The following SPAG16 variants were observed in gnomAD, a reference collection of about 807,000 sequenced individuals.
The protein encoded by SPAG16 is sperm-associated antigen 16 protein.
SPAG16 carries 86 observed loss-of-function variants against 80.4 expected under a neutral mutation model. The observed-to-expected ratio is 1.07, with a 90% CI of 0.90 to 1.28. SPAG16 has a LOEUF of 1.28. Ranked by LOEUF, SPAG16 falls within the 50% of genes most tolerant of loss-of-function variation. The probability of loss-of-function intolerance (pLI) is 0.00; values close to 1 mark genes in which losing one functional copy is unlikely to be tolerated. For synonymous variants in SPAG16, 294 were observed against 265.9 expected, an observed-to-expected ratio of 1.11 and a Z score of -1.03; for missense variants, 870 against 765.3, an observed-to-expected ratio of 1.14 and a Z score of -1.61.
At chr2:213,861,121 C>A (rs1005397983) in intron 10 of SPAG16, among the ~76,000 whole-genome samples, 1 of 152,072 alleles carries the variant, frequency 6.6e-6, no homozygotes, top group Admixed American at 6.6e-5. Flanking sequence ...TTTTGAGCAG[C>A]AAAATGCTGG....
chr2:214,309,107 G>C (rs1695117368), intron 15 of SPAG16, among the ~76,000 whole-genome samples: 1 of 150,628 alleles, frequency 6.6e-6, no homozygotes, highest in South Asian at 2.1e-4. Flanking sequence ...TTTTTCTCTA[G>C]TCTTCTCTAC....
At chr2:213,718,924 G>C (rs898979339) in intron 10 of SPAG16, among the ~76,000 whole-genome samples, 2 of 152,198 alleles carry the variant, frequency 1.3e-5, no homozygotes, top group East Asian at 3.9e-4. Flanking sequence ...GCCCTGGTGC[G>C]GGATCCACTA....
At chr2:213,801,497 G>C (rs1009493798) in intron 10 of SPAG16, among the ~76,000 whole-genome samples, 1 of 152,174 alleles carries the variant, frequency 6.6e-6, no homozygotes, top group African/African-American at 2.4e-5. Flanking sequence ...CAAATCATAA[G>C]GCACACAGTC....
At chr2:214,334,270 A>C (rs1306590800) in intron 15 of SPAG16, among the ~76,000 whole-genome samples, 2 of 152,206 alleles carry the variant, frequency 1.3e-5, no homozygotes, top group African/African-American at 4.8e-5. Context: ...TGAGGGGGGC[A>C]CATATTGCCT....
intron 12 of SPAG16, among the ~76,000 whole-genome samples, chr2:213,980,725 T>TATATATATATAGAGAGAGAGAGAGAGAG (rs374274176): frequency 1.9e-5 from 2 of 104,028 alleles, no homozygotes; most frequent in Admixed American, 1.1e-4. Flanking sequence ...TATATATATA[T>TATATATATATAGAGAGAGAGAGAGAGAG]AGAGAGAGAG....
intron 10 of SPAG16, among the ~76,000 whole-genome samples, chr2:213,720,617 G>A (rs765169587): frequency 2.6e-5 from 4 of 151,206 alleles, no homozygotes; most frequent in Non-Finnish European, 5.9e-5. Flanking sequence ...CAGCCTGGGC[G>A]ACAGAGAAAG....
chr2:213,309,920 A>T, intron 3 of SPAG16, 139 bp from the exon 4 acceptor site: 1 of 560,190 alleles, frequency 1.8e-6, no homozygotes, highest in Non-Finnish European at 3.1e-6. Context: ...TTAAAATATT[A>T]ATGGTTCCTG....
chr2:213,860,388 TAGAC>T (rs57419838), intron 10 of SPAG16, among the ~76,000 whole-genome samples: 47,678 of 143,418 alleles, frequency 0.33, 8,597 homozygotes, highest in South Asian at 0.47. Context: ...TATCTATAAA[TAGAC>T]AGATATTTAT....
intron 5 of SPAG16, among the ~76,000 whole-genome samples, chr2:213,322,071 A>C (rs1575189172): frequency 1.3e-5 from 2 of 150,928 alleles, no homozygotes; most frequent in South Asian, 4.2e-4. Flanking sequence ...CTTAAAGTAT[A>C]ATAAAAATAA....
chr2:214,056,704 G>T (rs1450513521), intron 13 of SPAG16, among the ~76,000 whole-genome samples: 1 of 152,096 alleles, frequency 6.6e-6, no homozygotes, highest in East Asian at 1.9e-4. Context: ...CACATAGACT[G>T]ACTCTTTGAT....
Position 214,401,824 on chromosome 2 carries a change from C to T in SPAG16, c.1721-8316C>T, listed in dbSNP as rs115714695. ...GCTAGAAAATGTAACATGTTCAAAC[C>T]TATAAGTGAATTTTGTAACCTTTTT... On this transcript the variant is annotated intron_variant, in intron 15 of 15. Transcript: ENST00000331683. 5.7e-3 allele frequency among the ~76,000 whole-genome samples: 861 copies of T among 151,918 alleles called. 10 individuals carry two copies. The highest frequency in any genetic ancestry group is 0.019 in the African/African-American group (797 of 41,506).
intron 10 of SPAG16, among the ~76,000 whole-genome samples, chr2:213,699,096 C>G (rs140707873): frequency 2.0e-5 from 3 of 152,166 alleles, no homozygotes; most frequent in Non-Finnish European, 4.4e-5. Context: ...ATGTCTCCTA[C>G]AACGTTTGAT....
Position 213,284,581 on chromosome 2 carries a change from C to T in SPAG16, c.98C>T (p.Ala33Val). 1.9e-6 allele frequency: 3 copies of T among 1,609,668 alleles called. No individual in the cohort carries two copies. The highest frequency in any genetic ancestry group is 2.5e-6 in the Non-Finnish European group (3 of 1,178,530). Residue 33 changes from alanine to valine, a missense_variant, in exon 1 of 16, where the codon GCG becomes GTG. By Grantham distance (64) the Ala-to-Val change is moderately conservative. Coordinates refer to ENST00000331683, the MANE Select transcript of SPAG16 (RefSeq NM_024532.5). ...LTAAGDARDT[A>V]DAVAAEGAYY... ...GCAGCCGGGGACGCGAGGGACACGG[C>T]GGACGCGGTGGCGGCTGAGGGCGCC...
chr2:214,315,752 A>C (rs1393993195), intron 15 of SPAG16, among the ~76,000 whole-genome samples: 1 of 151,992 alleles, frequency 6.6e-6, no homozygotes. Context: ...GGCTAGTCTC[A>C]AACTCCTAGA....
Position 214,112,307 on chromosome 2 carries a change from T to A in SPAG16, c.1593+4046T>A, listed in dbSNP as rs186732468. 1.6e-4 allele frequency among the ~76,000 whole-genome samples: 24 copies of A among 152,276 alleles called. No individual in the cohort carries two copies. In the East Asian group the frequency reaches 3.9e-3, roughly 24 times the overall value. On this transcript the variant is annotated intron_variant, in intron 14 of 15. Transcript: ENST00000331683. ...ATTCTGTTGATTTGGGGTGGAGAGT[T>A]CTGTAGATGCCTATTAGGTCTGCTT... is the stretch of plus-strand genomic sequence containing the variant.
At chr2:214,317,791 G>A (rs1428391828) in intron 15 of SPAG16, among the ~76,000 whole-genome samples, 1 of 152,136 alleles carries the variant, frequency 6.6e-6, no homozygotes, top group African/African-American at 2.4e-5. Flanking sequence ...TCTCAGAGTT[G>A]AGAAAAATTT....
chr2:214,145,851 A>G (rs770527081), intron 14 of SPAG16, among the ~76,000 whole-genome samples: 50 of 152,252 alleles, frequency 3.3e-4, no homozygotes, highest in Admixed American at 5.2e-4. Context: ...CTTTGTATTC[A>G]TTCATTCATT....
chr2:213,611,696 T>C, intron 10 of SPAG16, among the ~76,000 whole-genome samples: 1 of 152,184 alleles, frequency 6.6e-6, no homozygotes, highest in South Asian at 2.1e-4. Flanking sequence ...CATATTTTTA[T>C]CCACTTATAC....
At chr2:213,853,187 G>T (rs528391411) in intron 10 of SPAG16, among the ~76,000 whole-genome samples, 35 of 152,244 alleles carry the variant, frequency 2.3e-4, no homozygotes, top group African/African-American at 7.9e-4. Context: ...TAACCTAAAG[G>T]GAAGACAAGG....
Sources: allele counts gnomAD v4.1 joint callset (sites outside exome capture counted in the v4.1 genomes callset), GRCh38; gene constraint gnomAD v4.1.1; transcripts MANE v1.5; gene names NCBI Gene and HGNC (gene_info 2026-07-23, HGNC 2026-07-21).